ATRX: variants seen among roughly 807,000 people sequenced by gnomAD.
The protein encoded by ATRX is ATRX chromatin remodeler, also known as chromatin remodeler ATRX.
In ATRX, 12 loss-of-function variants were observed where a neutral mutation model predicts 172.6. That is an observed-to-expected ratio of 0.07 (90% CI 0.04 to 0.11). The LOEUF (loss-of-function observed/expected upper bound fraction) is 0.11, where lower values mean the gene tolerates loss of function less well. Among genes scored for constraint, ATRX ranks in the 10% least tolerant of loss-of-function variants. The pLI, the probability that ATRX is intolerant of heterozygous loss-of-function variation, is 1.00. For missense variants in ATRX, 1,368 were observed against 1,767.4 expected, an observed-to-expected ratio of 0.77 and a Z score of 4.05; for synonymous variants, 674 against 594.7, an observed-to-expected ratio of 1.13 and a Z score of -1.94.
At chrX:77,521,252 T>A (rs2063220706) in intron 33 of ATRX, 151 bp downstream of exon 33, 1 of 492,156 alleles carries the variant, frequency 2.0e-6, no homozygotes, top group Admixed American at 3.0e-5. Flanking sequence ...AATTGCTGGG[T>A]TACGGTTTGG....
intron 30 of ATRX, among the ~76,000 whole-genome samples, chrX:77,530,404 C>T (rs908279347): frequency 2.7e-5 from 3 of 110,200 alleles, no homozygotes; most frequent in Admixed American, 9.7e-5. Flanking sequence ...GTCAGTAGTT[C>T]GAGACCAGCC....
At chrX:77,677,387 T>C (rs181598444) in intron 9 of ATRX, among the ~76,000 whole-genome samples, 6 of 111,716 alleles carry the variant, frequency 5.4e-5, no homozygotes, top group African/African-American at 1.3e-4. Flanking sequence ...AACAGATTAC[T>C]AGTTGCCAGA....
At chrX:77,693,300 T>C (rs1204331387) in intron 6 of ATRX, among the ~76,000 whole-genome samples, 1 of 111,793 alleles carries the variant, frequency 8.9e-6, no homozygotes, top group Non-Finnish European at 1.9e-5. Context: ...CATGTTGCCA[T>C]TCTTAGATTA....
At chrX:77,729,328 T>C (rs971751584) in intron 1 of ATRX, among the ~76,000 whole-genome samples, 2 of 111,438 alleles carry the variant, frequency 1.8e-5, no homozygotes, top group Admixed American at 1.9e-4. Flanking sequence ...ATGTTTAAAA[T>C]TGCATTAAAA....
intron 28 of ATRX, among the ~76,000 whole-genome samples, chrX:77,566,633 G>A (rs1184105307): frequency 1.8e-5 from 2 of 111,255 alleles, no homozygotes; most frequent in Admixed American, 9.5e-5. Flanking sequence ...CCCACCTGTA[G>A]TCCCAGCTAC....
rs144908439 is a variant in ATRX, at chrX:77,513,819, T to C, written c.7201-5190A>G. Among the ~76,000 whole-genome samples, 332 of 111,486 alleles carry C rather than the reference T, an allele frequency of 3.0e-3. 1 individual carries two copies. Among genetic ancestry groups the C allele is most frequent in the African/African-American group, 0.011 (327 of 30,667 alleles). On this transcript the variant is annotated intron_variant, in intron 34 of 34. Transcript: ENST00000373344. ...AATAGGAAGAGAGAAAGTCAAACTA[T>C]CACAGTATGCAGATGCCATGATTCT...
chrX:77,716,110 ATTTTTTTTTTTTTT>A (rs199639051), intron 2 of ATRX, among the ~76,000 whole-genome samples: 107 of 54,389 alleles, frequency 2.0e-3, no homozygotes, highest in Non-Finnish European at 2.6e-3. Context: ...GTCTCTAAAA[ATTTTTTTTTTTTTT>A]TTTTTTTTTT....
At chrX:77,713,744 C>A (rs2073227158) in intron 2 of ATRX, among the ~76,000 whole-genome samples, 1 of 111,488 alleles carries the variant, frequency 9.0e-6, no homozygotes, top group Non-Finnish European at 1.9e-5. Context: ...TAGAACATCA[C>A]CATTTTGAAC....
chrX:77,601,948 G>A (rs1276225272), intron 22 of ATRX, among the ~76,000 whole-genome samples: 1 of 111,792 alleles, frequency 8.9e-6, no homozygotes, highest in Non-Finnish European at 1.9e-5. Flanking sequence ...TTTTATTTCT[G>A]TAAGGTTAGT....
At chrX:77,731,315 A>G (rs2074289548) in intron 1 of ATRX, among the ~76,000 whole-genome samples, 1 of 111,911 alleles carries the variant, frequency 8.9e-6, no homozygotes, top group African/African-American at 3.2e-5. Flanking sequence ...CAGCTATAAC[A>G]AATAACGAGA....
intron 1 of ATRX, among the ~76,000 whole-genome samples, chrX:77,763,741 T>C (rs1326382854): frequency 1.8e-5 from 2 of 109,996 alleles, no homozygotes; most frequent in Non-Finnish European, 3.8e-5. Flanking sequence ...AGTGCTGGGA[T>C]TACAGGCGTG....
At chrX:77,576,074 T>G (rs1457657733) in intron 27 of ATRX, among the ~76,000 whole-genome samples, 2 of 111,447 alleles carry the variant, frequency 1.8e-5, no homozygotes, top group African/African-American at 6.5e-5. Context: ...CCAATCTGAT[T>G]AGTAAACATT....
chrX:77,764,024 G>A (rs1359700101), intron 1 of ATRX, among the ~76,000 whole-genome samples: 1 of 110,509 alleles, frequency 9.0e-6, no homozygotes, highest in Non-Finnish European at 1.9e-5. Context: ...TAAGGTGGGA[G>A]AATCACTTGT....
Position 77,683,870 on chromosome X carries a change from A to G in ATRX, c.1386T>C (p.Ala462=), listed in dbSNP as rs367596462. 6.6e-6 allele frequency: 8 copies of G among 1,208,019 alleles called. No individual in the cohort carries two copies. The African/African-American group carries it at 8.7e-5, about 13-fold the overall frequency. Residue 462 remains alanine, a synonymous_variant, in exon 9 of 35, where the codon GCT becomes GCC. Transcript: ENST00000373344. ...TATCTACCTGTTTTCTTGAAAGTTT[A>G]GCTTCTGACTTTGAAATATCCTTCT... ...LEKKDISKSE[A]KLSRKQVDSE...
At chrX:77,718,933 G>C (rs2073598168) in intron 1 of ATRX, among the ~76,000 whole-genome samples, 1 of 110,454 alleles carries the variant, frequency 9.1e-6, no homozygotes, top group African/African-American at 3.3e-5. Flanking sequence ...AGTTGAGGAA[G>C]TGCAGCACAC....
chrX:77,608,645 C>A (rs2067023836), intron 22 of ATRX, among the ~76,000 whole-genome samples: 1 of 111,639 alleles, frequency 9.0e-6, no homozygotes, highest in South Asian at 3.7e-4. Flanking sequence ...CTAAGAGAAA[C>A]CACTGGAGAA....
Position 77,616,743 on chromosome X carries a change from A to G in ATRX, c.5449-13T>C, listed in dbSNP as rs782229600. The G allele has an allele frequency of 9.3e-7, 1 of 1,073,058 alleles. No homozygotes were observed. The highest frequency in any genetic ancestry group is 1.3e-6 in the Non-Finnish European group (1 of 771,720). 88.4% of individuals were successfully genotyped at this position (1,073,058 alleles called of 1,213,427 possible). ...TATAATCTTTCCTCTGTAATTAACA[A>G]GAAAGAGAATGAAAATTAATCTAAA... On this transcript the variant is annotated splice_polypyrimidine_tract_variant and intron_variant, in intron 21 of 34. Transcript: ENST00000373344.
intron 10 of ATRX, among the ~76,000 whole-genome samples, chrX:77,667,059 AACC>A (rs1341510665): frequency 9.0e-6 from 1 of 110,602 alleles, no homozygotes; most frequent in Non-Finnish European, 1.9e-5. Flanking sequence ...GTAATTTATA[AACC>A]ACAATATAGT....
At chrX:77,616,853 A>C (rs955137465) in intron 21 of ATRX, 123 bp from the exon 22 acceptor site, 3 of 497,063 alleles carry the variant, frequency 6.0e-6, no homozygotes, top group Non-Finnish European at 1.0e-5. Flanking sequence ...ATATAAGAAA[A>C]CATTTTCTTA....
Sources: allele counts gnomAD v4.1 joint callset (sites outside exome capture counted in the v4.1 genomes callset), GRCh38; gene constraint gnomAD v4.1.1; transcripts MANE v1.5; gene names NCBI Gene and HGNC (gene_info 2026-07-23, HGNC 2026-07-21).